The following GPR149 variants were observed in gnomAD, a reference collection of about 807,000 sequenced individuals.
GPR149 encodes the protein G protein-coupled receptor 149.
GPR149 carries 50 observed loss-of-function variants against 50.2 expected under a neutral mutation model. The ratio of observed to expected loss-of-function variants is 1.00; its 90% CI spans 0.79 to 1.26. The LOEUF (loss-of-function observed/expected upper bound fraction) is 1.26. GPR149 is among the 50% of genes most tolerant of loss of function. The probability of loss-of-function intolerance (pLI) is 0.00; values close to 1 mark genes in which losing one functional copy is unlikely to be tolerated. For synonymous variants in GPR149, 405 were observed against 358.2 expected (o/e 1.13, Z -1.48); for missense variants, 983 against 895.4 (o/e 1.10, Z -1.25).
rs147783830 is a variant in GPR149, at chr3:154,396,040, T to C, written c.1623+24999A>G. Among the ~76,000 whole-genome samples, 996 of 152,316 alleles carry C rather than the reference T, an allele frequency of 6.5e-3. 8 individuals carry two copies. The highest frequency in any genetic ancestry group is 0.023 in the African/African-American group (938 of 41,578). On this transcript the variant is annotated intron_variant, in intron 3 of 3. Transcript: ENST00000389740. ...GGTGGTCTGAATTCTGAGATTCTCA[T>C]TGGAACATTTTGTTCCAAACAGATT...
At chr3:154,388,815 T>C (rs556325184) in intron 3 of GPR149, among the ~76,000 whole-genome samples, 1 of 151,838 alleles carries the variant, frequency 6.6e-6, no homozygotes, top group East Asian at 2.0e-4. Flanking sequence ...TTCTTTCTGA[T>C]AAATTGACTA....
At chr3:154,342,813 T>C (rs1713827502) in intron 3 of GPR149, among the ~76,000 whole-genome samples, 1 of 152,202 alleles carries the variant, frequency 6.6e-6, no homozygotes, top group Non-Finnish European at 1.5e-5. Flanking sequence ...ATAAAAAGAT[T>C]GATGCCATCT....
At chr3:154,428,243 A>G (rs1489793660) in intron 1 of GPR149, among the ~76,000 whole-genome samples, 1 of 152,158 alleles carries the variant, frequency 6.6e-6, no homozygotes, top group African/African-American at 2.4e-5. Flanking sequence ...CTAGGCGGGA[A>G]TGGAACGGCG....
At chr3:154,343,112 G>A (rs192638809) in intron 3 of GPR149, among the ~76,000 whole-genome samples, 1 of 152,152 alleles carries the variant, frequency 6.6e-6, no homozygotes, top group East Asian at 1.9e-4. Context: ...AGATATAAAA[G>A]CAAGCAAATT....
rs773500756 is a variant in GPR149 at position 154,427,529 on chromosome 3, G to A, written c.1161C>T (p.Ser387=). The change falls in exon 2 of 4, where the codon TCC becomes TCT. Residue 387 remains serine, a synonymous_variant. Coordinates refer to ENST00000389740, the MANE Select transcript of GPR149 (RefSeq NM_001038705.3). ...TTGAGGACTTACTTTTTTTCCCATC[G>A]GACGCCACTGCATATGCGTTCTGCC... The part of the protein sequence containing the change: ...NCRQNAYAVA[S]DGKKIKRKGF... 8 of 1,602,974 alleles carry A rather than the reference G, an allele frequency of 5.0e-6. No homozygotes were observed. The East Asian group carries it at 1.3e-4, about 27-fold the overall frequency.
Position 154,429,589 on chromosome 3 carries a change from T to G in GPR149, c.27A>C (p.Ser9=), listed in dbSNP as rs763343613. The change falls in exon 1 of 4, where the codon TCA becomes TCC. Residue 9 remains serine (S), a synonymous_variant. Coordinates refer to ENST00000389740, the MANE Select transcript of GPR149 (RefSeq NM_001038705.3). ...CTTTCCACAGGCTAGAGTCATTTGTTGATAAGTTACTGAGAAATAAAGACA... is the reference window on the plus strand; with the variant it reads ...CTTTCCACAGGCTAGAGTCATTTGTGGATAAGTTACTGAGAAATAAAGACA... MSLFLSNL[S]TNDSSLWKEN... is the part of the protein sequence containing the mutation. 6.2e-7 allele frequency: 1 copy of G among 1,613,184 alleles called. No homozygotes were observed. The highest frequency in any genetic ancestry group is 1.1e-5 in the South Asian group (1 of 91,048).
At chr3:154,383,874 C>A (rs764554755) in intron 3 of GPR149, among the ~76,000 whole-genome samples, 2 of 152,060 alleles carry the variant, frequency 1.3e-5, no homozygotes, top group African/African-American at 4.8e-5. Context: ...CCTTTCTCTA[C>A]CATGCGACGA....
At chr3:154,360,076 G>A (rs1304875041) in intron 3 of GPR149, among the ~76,000 whole-genome samples, 1 of 152,140 alleles carries the variant, frequency 6.6e-6, no homozygotes, top group Non-Finnish European at 1.5e-5. Flanking sequence ...TCTGTAAGCA[G>A]TTGCCCAGAA....
At chr3:154,420,822 T>A (rs1440825719) in intron 3 of GPR149, among the ~76,000 whole-genome samples, 1 of 151,948 alleles carries the variant, frequency 6.6e-6, no homozygotes, top group Non-Finnish European at 1.5e-5. Context: ...GTTTAACTCT[T>A]CCTATTATAA....
intron 2 of GPR149, among the ~76,000 whole-genome samples, chr3:154,427,105 T>C (rs1169812492): frequency 6.6e-6 from 1 of 152,176 alleles, no homozygotes. Context: ...AGAGGGTTAA[T>C]AATCCTTTTT....
chr3:154,428,981 A>T lies in GPR149; in HGVS notation c.635T>A (p.Leu212His). The T allele has an allele frequency of 6.2e-7, 1 of 1,614,044 alleles. No individual in the cohort carries two copies. The highest frequency in any genetic ancestry group is 8.5e-7 in the Non-Finnish European group (1 of 1,179,986). ...CTCCGAACACAGCAATCGGTGAGTGAGTGGGACTGAGAGGCCCACGAGGAG... is the reference window on the plus strand; with the variant it reads ...CTCCGAACACAGCAATCGGTGAGTGTGTGGGACTGAGAGGCCCACGAGGAG... Reference protein sequence around the residue: ...FGLLVGLSVPLTHRLLCSEEP... With the variant: ...FGLLVGLSVPHTHRLLCSEEP... The change falls in exon 1 of 4, where the codon CTC becomes CAC. Residue 212 changes from leucine to histidine, a missense_variant. Coordinates refer to ENST00000389740, the MANE Select transcript of GPR149 (RefSeq NM_001038705.3).
intron 3 of GPR149, among the ~76,000 whole-genome samples, chr3:154,361,980 A>G (rs112532934): frequency 0.022 from 3,305 of 152,268 alleles, 64 homozygotes; most frequent in Non-Finnish European, 0.038. Context: ...GCCAAAATTT[A>G]TATTTGTGAA....
At chr3:154,398,557 G>A (rs1715346660) in intron 3 of GPR149, among the ~76,000 whole-genome samples, 1 of 152,038 alleles carries the variant, frequency 6.6e-6, no homozygotes, top group Non-Finnish European at 1.5e-5. Context: ...TTACACAGCT[G>A]AGAACAGGAA....
intron 3 of GPR149, among the ~76,000 whole-genome samples, chr3:154,357,366 A>G (rs1467223717): frequency 1.3e-5 from 2 of 152,080 alleles, no homozygotes; most frequent in African/African-American, 2.4e-5. Context: ...TCTGCACAGC[A>G]AAAGAAACTA....
chr3:154,359,052 C>G (rs773289457), intron 3 of GPR149, among the ~76,000 whole-genome samples: 1 of 151,952 alleles, frequency 6.6e-6, no homozygotes, highest in African/African-American at 2.4e-5. Flanking sequence ...TGAAAAAAAT[C>G]GTTTAACTCC....
chr3:154,399,649 C>T (rs1715375135), intron 3 of GPR149, among the ~76,000 whole-genome samples: 1 of 152,158 alleles, frequency 6.6e-6, no homozygotes, highest in East Asian at 1.9e-4. Flanking sequence ...TAGCAACTTT[C>T]CTCTGCTCTA....
chr3:154,424,679 A>C (rs898029664), intron 2 of GPR149, among the ~76,000 whole-genome samples: 1 of 151,802 alleles, frequency 6.6e-6, no homozygotes, highest in Non-Finnish European at 1.5e-5. Flanking sequence ...TATACTAAAC[A>C]TCTTAAAAAT....
chr3:154,335,838 T>C lies in GPR149; in HGVS notation c.*1861A>G, dbSNP rs1412813307. The C allele has an allele frequency of 2.0e-5, 3 of 152,142 alleles. No individual in the cohort carries two copies. Among genetic ancestry groups the C allele is most frequent in the Non-Finnish European group, 4.4e-5 (3 of 67,962 alleles). The allele number at this position is 152,142 out of a possible 1,614,324, so 9.4% of individuals were successfully genotyped here. On this transcript the variant is annotated 3_prime_UTR_variant, in exon 4 of 4. Coordinates refer to ENST00000389740, the MANE Select transcript of GPR149 (RefSeq NM_001038705.3). Reference sequence around the variant, plus strand: ...TATTATGATCCTGTGTCTAATTTCCTTTTTGCCTGAAATTGCATTTTAAAG... The same window carrying C: ...TATTATGATCCTGTGTCTAATTTCCCTTTTGCCTGAAATTGCATTTTAAAG...
At chr3:154,386,180 T>A (rs150073517) in intron 3 of GPR149, among the ~76,000 whole-genome samples, 7 of 152,340 alleles carry the variant, frequency 4.6e-5, no homozygotes, top group Admixed American at 2.0e-4. Context: ...TTCATCCTCC[T>A]TTTTAGTTAA....
Sources: gnomAD v4.1 joint callset for allele counts (sites outside exome capture counted in the v4.1 genomes callset) on GRCh38, gnomAD v4.1.1 for gene constraint, MANE v1.5 for transcripts, NCBI Gene and HGNC (gene_info 2026-07-23, HGNC 2026-07-21) for gene names.